The following SNURF variants were observed in gnomAD, a reference collection of about 807,000 sequenced individuals.
SNURF encodes SNURF protein.
Under a neutral mutation model 11.6 loss-of-function variants are expected in SNURF, and 6 were observed. That is an observed-to-expected ratio of 0.52 (90% confidence interval 0.28 to 1.02). The LOEUF is 1.02. Ranked by LOEUF, SNURF falls within the 50% of genes least tolerant of loss-of-function variation. The probability of loss-of-function intolerance (pLI) is 0.09; values close to 1 mark genes in which losing one functional copy is unlikely to be tolerated. For synonymous variants in SNURF, 29 were observed against 31.6 expected, an observed-to-expected ratio of 0.92 and a Z score of 0.27; for missense variants, 84 against 88.4, an observed-to-expected ratio of 0.95 and a Z score of 0.20.
chr15:24,955,048 G>A (rs749134956), exon 1 of SNURF: 9 of 1,613,372 alleles, frequency 5.6e-6, no homozygotes, highest in Non-Finnish European at 7.6e-6. Context: ...TCAGTGACGC[G>A]ATGGAGCGGG....
intron 3 of SNURF, chr15:24,974,480 G>A (rs1182973940): frequency 1.2e-6 from 2 of 1,612,274 alleles, no homozygotes; most frequent in East Asian, 4.5e-5. Context: ...TAAGGCTGAG[G>A]GTTGAAATGT....
downstream of SNURF, among the ~76,000 whole-genome samples, chr15:24,970,520 A>G (rs1425081001): frequency 6.6e-6 from 1 of 152,196 alleles, no homozygotes; most frequent in African/African-American, 2.4e-5. Context: ...CAGAGGTTGC[A>G]TTGAGCAGAG....
intron 6 of SNURF, among the ~76,000 whole-genome samples, chr15:24,977,350 T>A (rs1483983081): frequency 6.6e-6 from 1 of 152,088 alleles, no homozygotes; most frequent in East Asian, 1.9e-4. Context: ...TTTTAAAATA[T>A]GGGAATAGGC....
In SNURF at chr15:24,955,023, C is replaced by G. The variant is rs368646285; in HGVS notation, c.-26C>G. 1 of 1,612,796 alleles carries G rather than the reference C, an allele frequency of 6.2e-7. No individual in the cohort carries two copies. Reference sequence around the variant, plus strand: ...CGGCCGCCGGAGATGCCTGACGCATCTGTCTGAGGAGCGGTCAGTGACGCG... The same window carrying G: ...CGGCCGCCGGAGATGCCTGACGCATGTGTCTGAGGAGCGGTCAGTGACGCG... On this transcript the variant is annotated 5_prime_UTR_variant, in exon 1 of 3. In the 5' UTR this introduces an upstream ATG that the reference lacks. Coordinates refer to ENST00000577949, the Ensembl canonical transcript of SNURF.
rs1037420942 is a variant in SNURF at position 24,967,835 on chromosome 15, T to G, written c.111-97T>G. 6.0e-6 allele frequency: 5 copies of G among 838,324 alleles called. No individual in the cohort carries two copies. The African/African-American group carries it at 7.1e-5, about 12-fold the overall frequency. The allele number at this position is 838,324 out of a possible 1,614,324, so 51.9% of individuals were successfully genotyped here. On this transcript the variant is annotated intron_variant, in intron 2 of 2. Coordinates refer to ENST00000577949, the Ensembl canonical transcript of SNURF. ...AAAAAAAAAAAAAAAAAAAGGAATA[T>G]CTTCTTAAATGTAAGGGTACCTAGT...
intron 1 of SNURF, among the ~76,000 whole-genome samples, chr15:24,959,839 A>G (rs1246103545): frequency 2.0e-5 from 3 of 152,240 alleles, no homozygotes; most frequent in Admixed American, 1.3e-4. Context: ...AGGAACACGT[A>G]TAATACGTTT....
downstream of SNURF, among the ~76,000 whole-genome samples, chr15:24,970,661 C>T: frequency 6.6e-6 from 1 of 152,120 alleles, no homozygotes; most frequent in East Asian, 1.9e-4. Context: ...TGGATACCTA[C>T]CTAGTAGTTG....
At position 24,977,146 on chromosome 15, in the gene SNURF, A is replaced by C. The variant is rs549670912; in HGVS notation, c.*462+117A>C. ...CAATGTAAACAGCATATGGTTTAGG[A>C]GGAACCAAAACACAGATATATGGGA... On this transcript the variant is annotated intron_variant and NMD_transcript_variant, in intron 6 of 6. Coordinates refer to the SNURF transcript ENST00000580062. The C allele has an allele frequency of 2.1e-5, 16 of 764,604 alleles. No homozygotes were observed. The Admixed American group carries it at 5.4e-4, about 26-fold the overall frequency. The allele number at this position is 764,604 out of a possible 1,614,324, so 47.4% of individuals were successfully genotyped here.
chr15:24,970,288 CTATT>C (rs2076234292), downstream of SNURF, among the ~76,000 whole-genome samples: 1 of 152,076 alleles, frequency 6.6e-6, no homozygotes, highest in Non-Finnish European at 1.5e-5. Context: ...AGAAAATAAA[CTATT>C]AATGTGGCCG....
At chr15:24,974,995 G>A (rs1379007742) in intron 3 of SNURF, 2 of 702,788 alleles carry the variant, frequency 2.8e-6, no homozygotes, top group African/African-American at 3.5e-5. Context: ...CTTTGAAAAT[G>A]GAAGGGTTTT....
intron 1 of SNURF, among the ~76,000 whole-genome samples, chr15:24,958,033 G>C (rs1203704587): frequency 6.6e-6 from 1 of 152,084 alleles, no homozygotes; most frequent in African/African-American, 2.4e-5. Flanking sequence ...TTATGTTGTT[G>C]TCTAAGGCAG....
intron 1 of SNURF, among the ~76,000 whole-genome samples, chr15:24,957,249 G>A (rs977079244): frequency 6.6e-6 from 1 of 152,140 alleles, no homozygotes; most frequent in African/African-American, 2.4e-5. Flanking sequence ...GGCTCTTCCC[G>A]ACTAAGGTTG....
At chr15:24,975,666 G>A (rs2076974478) in intron 4 of SNURF, among the ~76,000 whole-genome samples, 1 of 152,146 alleles carries the variant, frequency 6.6e-6, no homozygotes, top group South Asian at 2.1e-4. Context: ...CTCTGAATTA[G>A]GTCAGAGTCT....
chr15:24,955,045 C>T lies in SNURF; in HGVS notation c.-4C>T, dbSNP rs148206963. 5.3e-5 allele frequency: 86 copies of T among 1,613,258 alleles called. No individual in the cohort carries two copies. Among genetic ancestry groups the T allele is most frequent in the Non-Finnish European group, 7.2e-5 (85 of 1,179,998 alleles). The stretch of plus-strand genomic sequence containing the variant: ...CATCTGTCTGAGGAGCGGTCAGTGA[C>T]GCGATGGAGCGGGCAAGGTCAGCTG... On this transcript the variant is annotated 5_prime_UTR_variant, in exon 1 of 3. It adds an upstream start codon to the 5' untranslated region. Coordinates refer to ENST00000577949, the Ensembl canonical transcript of SNURF.
At position 24,976,925 on chromosome 15, in the gene SNURF, G is replaced by A. The variant is rs1242054087; in HGVS notation, c.*358G>A. 2 of 1,608,172 alleles carry A rather than the reference G, an allele frequency of 1.2e-6. No homozygotes were observed. The highest frequency in any genetic ancestry group is 1.7e-6 in the Non-Finnish European group (2 of 1,178,246). On this transcript the variant is annotated 3_prime_UTR_variant and NMD_transcript_variant, in exon 6 of 7. Coordinates refer to the SNURF transcript ENST00000580062. ...TGCTGGAGCTGCTGGAGGCCCTGGG[G>A]TTGGTAGGGCAGCTGGTAGAGGAGT...
downstream of SNURF, among the ~76,000 whole-genome samples, chr15:24,972,593 G>T (rs2076562662): frequency 6.7e-6 from 1 of 148,762 alleles, no homozygotes; most frequent in Non-Finnish European, 1.5e-5. Context: ...GCCCAGGCTG[G>T]AGTGCAATGG....
chr15:24,976,556 T>G, intron 5 of SNURF: 1 of 697,950 alleles, frequency 1.4e-6, no homozygotes, highest in South Asian at 1.8e-5. Flanking sequence ...TATCAATTGT[T>G]GGTTGCCTAT....
At position 24,956,507 on chromosome 15, in the gene SNURF, C is replaced by T. The variant is rs115648083; in HGVS notation, c.14+1445C>T. ...CGGCCAAGGTGGGCGGCTGCCCCCT[C>T]CCCAAAGTGCTGCTTGGGAAAGGAT... On this transcript the variant is annotated intron_variant, in intron 1 of 2. Transcript: ENST00000577949. Among the ~76,000 whole-genome samples, 377 of 152,120 alleles carry T rather than the reference C, an allele frequency of 2.5e-3. 1 individual carries two copies. Among genetic ancestry groups the T allele is most frequent in the African/African-American group, 8.7e-3 (363 of 41,556 alleles).
At chr15:24,967,859 G>T in intron 2 of SNURF, 73 bp from the exon 3 acceptor site, 9 of 1,132,914 alleles carry the variant, frequency 7.9e-6, no homozygotes, top group Non-Finnish European at 1.2e-5. Context: ...AGGGTACCTA[G>T]TTTTCTTTCA....
Sources: gnomAD v4.1 joint callset for allele counts (sites outside exome capture counted in the v4.1 genomes callset) on GRCh38, gnomAD v4.1.1 for gene constraint, MANE v1.5 for transcripts, NCBI Gene and HGNC (gene_info 2026-07-23, HGNC 2026-07-21) for gene names.